FSTL5: variants seen among roughly 807,000 people sequenced by gnomAD.
FSTL5 encodes follistatin-related protein 5.
FSTL5 carries 62 observed loss-of-function variants against 89.1 expected under a neutral mutation model. The ratio of observed to expected loss-of-function variants is 0.70; its 90% CI spans 0.57 to 0.86. The LOEUF (loss-of-function observed/expected upper bound fraction) is 0.86, where lower values mean the gene tolerates loss of function less well. Ranked by LOEUF, FSTL5 falls within the 40% of genes least tolerant of loss-of-function variation. The pLI, the probability that FSTL5 is intolerant of heterozygous loss-of-function variation, is 0.00. For missense variants in FSTL5, 1,057 were observed against 1,001.6 expected, an observed-to-expected ratio of 1.06 and a Z score of -0.75; for synonymous variants, 383 against 346.2, an observed-to-expected ratio of 1.11 and a Z score of -1.18.
At chr4:162,120,042 T>A (rs973980284) in intron 1 of FSTL5, among the ~76,000 whole-genome samples, 3 of 152,126 alleles carry the variant, frequency 2.0e-5, no homozygotes, top group African/African-American at 7.2e-5. Flanking sequence ...AATTTTACCC[T>A]TTCAAAAAAG....
At chr4:161,571,932 C>G (rs1346187596) in intron 8 of FSTL5, among the ~76,000 whole-genome samples, 2 of 152,140 alleles carry the variant, frequency 1.3e-5, no homozygotes, top group Non-Finnish European at 2.9e-5. Context: ...GCATTGTGAT[C>G]TTGTGACAAA....
intron 2 of FSTL5, among the ~76,000 whole-genome samples, chr4:162,044,978 T>C (rs927166114): frequency 2.6e-5 from 4 of 152,194 alleles, no homozygotes; most frequent in Admixed American, 6.6e-5. Context: ...ACTTTCTTCA[T>C]ATCAGAAATA....
At chr4:161,491,712 G>A (rs533731043) in intron 12 of FSTL5, among the ~76,000 whole-genome samples, 28 of 152,044 alleles carry the variant, frequency 1.8e-4, no homozygotes, top group East Asian at 3.9e-4. Context: ...GTGGTGGCAC[G>A]CCCTTGTAAT....
At chr4:161,587,049 C>G (rs1560966994) in intron 8 of FSTL5, among the ~76,000 whole-genome samples, 1 of 152,048 alleles carries the variant, frequency 6.6e-6, no homozygotes, top group Non-Finnish European at 1.5e-5. Flanking sequence ...ATTAAATTAA[C>G]CATCAAGAGT....
intron 6 of FSTL5, among the ~76,000 whole-genome samples, chr4:161,753,833 G>C (rs1029138452): frequency 1.3e-5 from 2 of 151,946 alleles, no homozygotes; most frequent in African/African-American, 4.8e-5. Flanking sequence ...ATGAGGTCGG[G>C]AGATCGAGAC....
At chr4:161,489,457 A>G (rs1729791405) in intron 12 of FSTL5, among the ~76,000 whole-genome samples, 1 of 152,216 alleles carries the variant, frequency 6.6e-6, no homozygotes, top group Admixed American at 6.6e-5. Flanking sequence ...TTAAAGAAAT[A>G]GGACAACTAC....
intron 3 of FSTL5, among the ~76,000 whole-genome samples, chr4:161,939,652 C>T (rs10018537): frequency 0.33 from 49,360 of 151,654 alleles, 9,684 homozygotes; most frequent in Non-Finnish European, 0.43. Flanking sequence ...GGGAAAAGTA[C>T]AGCAATTCTT....
At chr4:162,120,208 C>T (rs1391568406) in intron 1 of FSTL5, among the ~76,000 whole-genome samples, 2 of 151,958 alleles carry the variant, frequency 1.3e-5, no homozygotes, top group African/African-American at 2.4e-5. Context: ...AGATGTAAAA[C>T]GTACAGGAAT....
intron 6 of FSTL5, among the ~76,000 whole-genome samples, chr4:161,736,692 G>C (rs1015819380): frequency 3.3e-5 from 5 of 152,070 alleles, no homozygotes; most frequent in Admixed American, 6.6e-5. Flanking sequence ...CAGGTGAGGG[G>C]GCTGCATAAT....
intron 3 of FSTL5, among the ~76,000 whole-genome samples, chr4:162,012,234 T>G (rs1178474101): frequency 1.3e-5 from 2 of 152,212 alleles, no homozygotes; most frequent in Non-Finnish European, 2.9e-5. Context: ...TAAAGTCAAA[T>G]GTCACCTTTC....
chr4:161,734,122 A>G (rs1739710923), intron 6 of FSTL5, among the ~76,000 whole-genome samples: 1 of 152,178 alleles, frequency 6.6e-6, no homozygotes, highest in South Asian at 2.1e-4. Context: ...GCTAATACAA[A>G]AGCATTTTAA....
At chr4:161,605,557 T>C (rs994144468) in intron 7 of FSTL5, among the ~76,000 whole-genome samples, 3 of 152,186 alleles carry the variant, frequency 2.0e-5, no homozygotes, top group Non-Finnish European at 4.4e-5. Flanking sequence ...TAATAACTGC[T>C]ATGAGGAAAC....
intron 12 of FSTL5, among the ~76,000 whole-genome samples, chr4:161,487,636 CAG>C (rs1729724770): frequency 6.6e-6 from 1 of 151,890 alleles, no homozygotes; most frequent in Non-Finnish European, 1.5e-5. Context: ...TTTTCTCCCA[CAG>C]AGTTTAGGAA....
chr4:161,546,337 T>C (rs1732007466), intron 8 of FSTL5, among the ~76,000 whole-genome samples: 1 of 149,398 alleles, frequency 6.7e-6, no homozygotes. Context: ...GAGAGCGATA[T>C]TTGAAGAGGT....
At chr4:161,454,971 T>C in intron 15 of FSTL5, 33 bp downstream of exon 15, 1 of 1,599,710 alleles carries the variant, frequency 6.3e-7, no homozygotes, top group Non-Finnish European at 8.6e-7. Context: ...GAGACAAATC[T>C]TTAAAAAGTT....
At chr4:161,479,490 A>G (rs1729423843) in intron 13 of FSTL5, among the ~76,000 whole-genome samples, 2 of 152,084 alleles carry the variant, frequency 1.3e-5, no homozygotes, top group South Asian at 4.1e-4. Flanking sequence ...TATATTTCCA[A>G]TTTTAATCCA....
At chr4:161,726,669 T>C (rs1367037517) in intron 6 of FSTL5, among the ~76,000 whole-genome samples, 2 of 152,150 alleles carry the variant, frequency 1.3e-5, no homozygotes, top group Non-Finnish European at 2.9e-5. Flanking sequence ...AAAACACCAT[T>C]TTGTTACAAA....
chr4:161,757,381 C>A (rs1020209350), intron 6 of FSTL5, among the ~76,000 whole-genome samples: 6 of 151,968 alleles, frequency 3.9e-5, no homozygotes, highest in African/African-American at 1.5e-4. Context: ...CACACACACA[C>A]ACACACATTA....
At chr4:161,517,492 T>C (rs1730881826) in intron 10 of FSTL5, among the ~76,000 whole-genome samples, 1 of 152,146 alleles carries the variant, frequency 6.6e-6, no homozygotes, top group African/African-American at 2.4e-5. Flanking sequence ...ACTGAAACCT[T>C]TACTAGTGCT....
Sources: allele counts gnomAD v4.1 joint callset (sites outside exome capture counted in the v4.1 genomes callset), GRCh38; gene constraint gnomAD v4.1.1; transcripts MANE v1.5; gene names NCBI Gene and HGNC (gene_info 2026-07-23, HGNC 2026-07-21).